Variants in ADAMTSL3 observed in about 807,000 individuals in gnomAD.
ADAMTSL3 encodes ADAMTS like 3.
ADAMTSL3 carries 128 observed loss-of-function variants against 201.7 expected under a neutral mutation model. The ratio of observed to expected loss-of-function variants is 0.63; its 90% CI spans 0.55 to 0.73. ADAMTSL3 has a LOEUF of 0.73. Ranked by LOEUF, ADAMTSL3 falls within the 30% of genes least tolerant of loss-of-function variation. The pLI is 0.00. For synonymous variants in ADAMTSL3, 738 were observed against 748.4 expected, an observed-to-expected ratio of 0.99 and a Z score of 0.23; for missense variants, 1,990 against 2,119.6, an observed-to-expected ratio of 0.94 and a Z score of 1.20.
chr15:83,735,092 T>A (rs552728616), intron 3 of ADAMTSL3, among the ~76,000 whole-genome samples: 17 of 152,332 alleles, frequency 1.1e-4, no homozygotes, highest in Admixed American at 9.2e-4. Flanking sequence ...GAGTATTTTT[T>A]AAAATTAAAT....
intron 20 of ADAMTSL3, among the ~76,000 whole-genome samples, chr15:83,976,806 G>A (rs2067296253): frequency 6.6e-6 from 1 of 152,176 alleles, no homozygotes; most frequent in African/African-American, 2.4e-5. Flanking sequence ...CTCACCTCCT[G>A]CTGTGAGGCC....
intron 3 of ADAMTSL3, among the ~76,000 whole-genome samples, chr15:83,765,978 G>T (rs1280173876): frequency 1.3e-5 from 2 of 152,164 alleles, no homozygotes; most frequent in African/African-American, 4.8e-5. Flanking sequence ...AAAAGTGTTT[G>T]TAATTCCATC....
chr15:83,906,582 T>C (rs1371488706), intron 15 of ADAMTSL3, among the ~76,000 whole-genome samples: 2 of 144,572 alleles, frequency 1.4e-5, no homozygotes, highest in East Asian at 4.0e-4. Flanking sequence ...AAACTGGTAA[T>C]TTTAGTATAT....
At chr15:83,701,126 T>C (rs1367671324) in intron 2 of ADAMTSL3, among the ~76,000 whole-genome samples, 2 of 152,192 alleles carry the variant, frequency 1.3e-5, no homozygotes, top group Admixed American at 6.5e-5. Flanking sequence ...ACCTGTGGCC[T>C]CTTAATTTAT....
intron 23 of ADAMTSL3, among the ~76,000 whole-genome samples, chr15:83,994,884 A>G (rs2067658509): frequency 6.6e-6 from 1 of 151,440 alleles, no homozygotes; most frequent in Non-Finnish European, 1.5e-5. Flanking sequence ...TGTTGGGATT[A>G]CAGGCATGAG....
At chr15:83,674,740 T>TATAC (rs2061374667) in intron 2 of ADAMTSL3, among the ~76,000 whole-genome samples, 1 of 134,430 alleles carries the variant, frequency 7.4e-6, no homozygotes, top group Non-Finnish European at 1.5e-5. Context: ...TATACACACA[T>TATAC]ATATACATAT....
At chr15:84,034,847 C>T (rs533760460) in intron 28 of ADAMTSL3, among the ~76,000 whole-genome samples, 2 of 152,210 alleles carry the variant, frequency 1.3e-5, no homozygotes, top group East Asian at 3.9e-4. Context: ...TTGAAAAAAG[C>T]TAGTAGAAAC....
intron 27 of ADAMTSL3, among the ~76,000 whole-genome samples, chr15:84,028,882 C>A: frequency 6.6e-6 from 1 of 152,190 alleles, no homozygotes; most frequent in East Asian, 1.9e-4. Context: ...CTCACAAGAT[C>A]TGATGGTTTT....
At chr15:83,898,957 GAA>G (rs940237380) in intron 14 of ADAMTSL3, among the ~76,000 whole-genome samples, 3 of 152,272 alleles carry the variant, frequency 2.0e-5, no homozygotes, top group African/African-American at 7.2e-5. Context: ...CTCCATCAGT[GAA>G]GTCTTTTTTC....
At chr15:83,951,365 C>A (rs1437937714) in intron 19 of ADAMTSL3, among the ~76,000 whole-genome samples, 1 of 152,096 alleles carries the variant, frequency 6.6e-6, no homozygotes. Context: ...TGGGATAAAT[C>A]CCACTTGGTC....
At chr15:83,768,203 C>T (rs148608666) in intron 3 of ADAMTSL3, among the ~76,000 whole-genome samples, 3 of 152,300 alleles carry the variant, frequency 2.0e-5, no homozygotes, top group Admixed American at 6.5e-5. Flanking sequence ...CAACTGCATG[C>T]GTGGAGATGC....
intron 4 of ADAMTSL3, among the ~76,000 whole-genome samples, chr15:83,800,056 A>T (rs1271334143): frequency 6.6e-6 from 1 of 152,224 alleles, no homozygotes; most frequent in Non-Finnish European, 1.5e-5. Flanking sequence ...CACTGGATTT[A>T]CTGTGTATTA....
At chr15:83,904,625 A>T (rs544449466) in intron 15 of ADAMTSL3, among the ~76,000 whole-genome samples, 1 of 152,286 alleles carries the variant, frequency 6.6e-6, no homozygotes, top group East Asian at 1.9e-4. Context: ...AAGCCAAGGG[A>T]ACTGCAGTAC....
intron 23 of ADAMTSL3, among the ~76,000 whole-genome samples, chr15:83,991,735 G>A (rs1336460589): frequency 2.6e-5 from 4 of 151,988 alleles, no homozygotes; most frequent in Non-Finnish European, 4.4e-5. Context: ...TCTTTCTCCC[G>A]TGTTTACAAC....
In ADAMTSL3 at chr15:83,770,614, A is replaced by G. The variant is rs1399447424; in HGVS notation, c.190-2909A>G. Among the ~76,000 whole-genome samples, 12 of 152,328 alleles carry G rather than the reference A, an allele frequency of 7.9e-5. No individual in the cohort carries two copies. The East Asian group carries it at 2.3e-3, about 29-fold the overall frequency. ...TTCTACTTTTATTGCTATATCTAAG[A>G]TAGTCTTTCCTATACAACTATTGGT... On this transcript the variant is annotated intron_variant, in intron 3 of 29. Coordinates refer to ENST00000286744, the MANE Select transcript of ADAMTSL3 (RefSeq NM_207517.3).
At chr15:83,927,121 CTT>C (rs879610724) in intron 17 of ADAMTSL3, among the ~76,000 whole-genome samples, 7 of 141,602 alleles carry the variant, frequency 4.9e-5, no homozygotes, top group Admixed American at 7.0e-5. Flanking sequence ...TTCTTTCTTT[CTT>C]TTTTTTTTTT....
chr15:83,824,817 T>C (rs1173318945), intron 6 of ADAMTSL3: 2 of 152,212 alleles, frequency 1.3e-5, no homozygotes, highest in African/African-American at 4.8e-5. Context: ...CATGGCTTGA[T>C]AGCTCATTTC....
chr15:83,716,250 C>A (rs574553122), intron 3 of ADAMTSL3, among the ~76,000 whole-genome samples: 32 of 152,106 alleles, frequency 2.1e-4, no homozygotes, highest in Non-Finnish European at 4.0e-4. Flanking sequence ...TGCCAGTAAT[C>A]TCAGCACTTT....
intron 9 of ADAMTSL3, among the ~76,000 whole-genome samples, chr15:83,878,768 T>C (rs1316725264): frequency 7.3e-6 from 1 of 137,722 alleles, no homozygotes; most frequent in East Asian, 2.2e-4. Context: ...GGTTTGCTTG[T>C]TTGTTTGTTT....
Sources: allele counts gnomAD v4.1 joint callset (sites outside exome capture counted in the v4.1 genomes callset), GRCh38; gene constraint gnomAD v4.1.1; transcripts MANE v1.5; gene names NCBI Gene and HGNC (gene_info 2026-07-23, HGNC 2026-07-21).